PNLIPRP3: variants seen among roughly 807,000 people sequenced by gnomAD.
PNLIPRP3 encodes the protein pancreatic lipase-related protein 3.
Under a neutral mutation model 52.8 loss-of-function variants are expected in PNLIPRP3, and 58 were observed. The observed-to-expected ratio is 1.10, with a 90% confidence interval of 0.89 to 1.37. PNLIPRP3 has a LOEUF of 1.37. Ranked by LOEUF, PNLIPRP3 falls within the 40% of genes most tolerant of loss-of-function variation. PNLIPRP3 has a pLI of 0.00. For missense variants in PNLIPRP3, 593 were observed against 561.6 expected, an observed-to-expected ratio of 1.06 and a Z score of -0.57; for synonymous variants, 192 against 185.0, an observed-to-expected ratio of 1.04 and a Z score of -0.31.
chr10:116,455,907 G>C lies in PNLIPRP3; in HGVS notation c.565+77G>C, dbSNP rs1017628966. ...ACACTACCAAGTATCTGAACACCAA[G>C]TAATACTGCAGAAGAAAATATAAGA... On this transcript the variant is annotated intron_variant, in intron 5 of 11. Transcript: ENST00000369230. 6.9e-6 allele frequency: 7 copies of C among 1,007,372 alleles called. No homozygotes were observed. In the African/African-American group the frequency reaches 9.7e-5, roughly 14 times the overall value. The allele number at this position is 1,007,372 out of a possible 1,614,324, so 62.4% of individuals were successfully genotyped here.
At chr10:116,469,445 C>T in intron 9 of PNLIPRP3, 128 bp downstream of exon 9, 1 of 915,376 alleles carries the variant, frequency 1.1e-6, no homozygotes, top group East Asian at 2.9e-5. Context: ...TGAAGAACAA[C>T]ACAGTGAGGT....
chr10:116,431,985 A>G (rs1845714849), intron 1 of PNLIPRP3, among the ~76,000 whole-genome samples: 1 of 151,920 alleles, frequency 6.6e-6, no homozygotes, highest in Non-Finnish European at 1.5e-5. Flanking sequence ...TCCTCACCTA[A>G]ACACACAAAC....
intron 3 of PNLIPRP3, 54 bp downstream of exon 3, chr10:116,443,228 A>G: frequency 1.9e-6 from 3 of 1,541,542 alleles, no homozygotes; most frequent in South Asian, 1.2e-5. Flanking sequence ...TATGTTTAAC[A>G]TGAATGTACT....
intron 4 of PNLIPRP3, among the ~76,000 whole-genome samples, chr10:116,450,270 T>C (rs4485017): frequency 0.89 from 134,740 of 152,198 alleles, 60,639 homozygotes; most frequent in Non-Finnish European, 0.97. Context: ...CTTAAAACAT[T>C]ATGAGATTTA....
chr10:116,439,982 T>C, intron 2 of PNLIPRP3: 1 of 801,812 alleles, frequency 1.2e-6, no homozygotes, highest in South Asian at 1.3e-5. Flanking sequence ...TCTCTGCACG[T>C]CTGCACGAAG....
At chr10:116,457,554 A>T (rs1846133816) in intron 5 of PNLIPRP3, among the ~76,000 whole-genome samples, 1 of 151,730 alleles carries the variant, frequency 6.6e-6, no homozygotes, top group Non-Finnish European at 1.5e-5. Context: ...AATCCTCCTC[A>T]CTCACCTCCA....
chr10:116,455,706 T>A lies in PNLIPRP3; in HGVS notation c.457-16T>A. ...GCTGTTTTTAAAATACTTATTCTGT[T>A]AAACAATTCTTTCAGAAAAAATTTG... On this transcript the variant is annotated splice_polypyrimidine_tract_variant and intron_variant, in intron 4 of 11. Transcript: ENST00000369230. The A allele has an allele frequency of 6.3e-7, 1 of 1,581,242 alleles. No individual in the cohort carries two copies. The highest frequency in any genetic ancestry group is 1.7e-5 in the Admixed American group (1 of 59,794).
intron 2 of PNLIPRP3, among the ~76,000 whole-genome samples, chr10:116,438,448 C>A (rs1237037330): frequency 3.3e-5 from 5 of 152,172 alleles, no homozygotes; most frequent in South Asian, 4.1e-4. Flanking sequence ...GCACTCCTAC[C>A]GTACAAATAT....
intron 1 of PNLIPRP3, 21 bp downstream of exon 1, chr10:116,428,082 T>G: frequency 6.5e-7 from 1 of 1,544,662 alleles, no homozygotes; most frequent in Non-Finnish European, 8.9e-7. Context: ...TAATTTATAA[T>G]AAGTTCTTTA....
chr10:116,438,936 A>T (rs1260906978), intron 2 of PNLIPRP3, among the ~76,000 whole-genome samples: 1 of 152,240 alleles, frequency 6.6e-6, no homozygotes, highest in East Asian at 1.9e-4. Context: ...AATACATAAT[A>T]TAACATGGAT....
intron 4 of PNLIPRP3, among the ~76,000 whole-genome samples, chr10:116,448,881 T>C (rs1166337008): frequency 6.6e-6 from 1 of 152,014 alleles, no homozygotes; most frequent in Non-Finnish European, 1.5e-5. Context: ...CTGGCCATAC[T>C]GGTGGGTGCC....
intron 3 of PNLIPRP3, among the ~76,000 whole-genome samples, chr10:116,443,802 CATATAT>C (rs1200044232): frequency 0.094 from 1,223 of 12,972 alleles, 30 homozygotes; most frequent in African/African-American, 0.13. Flanking sequence ...TGTGTGTGTG[CATATAT>C]ATATATATAT....
intron 7 of PNLIPRP3, among the ~76,000 whole-genome samples, chr10:116,464,448 C>A (rs921600435): frequency 1.1e-4 from 16 of 152,198 alleles, no homozygotes; most frequent in African/African-American, 3.9e-4. Flanking sequence ...CTTATCTCAC[C>A]CACTTGGCCT....
chr10:116,445,060 C>G (rs1845924254), intron 4 of PNLIPRP3, among the ~76,000 whole-genome samples: 2 of 152,122 alleles, frequency 1.3e-5, no homozygotes, highest in African/African-American at 4.8e-5. Context: ...AATTTCCCAC[C>G]CTAAAATGCA....
At chr10:116,453,468 G>A (rs979082343) in intron 4 of PNLIPRP3, among the ~76,000 whole-genome samples, 1 of 152,046 alleles carries the variant, frequency 6.6e-6, no homozygotes, top group African/African-American at 2.4e-5. Flanking sequence ...GTGTAGGGGG[G>A]CCAGGAGTGG....
chr10:116,437,981 A>G (rs1196154978), intron 2 of PNLIPRP3, among the ~76,000 whole-genome samples: 1 of 152,182 alleles, frequency 6.6e-6, no homozygotes, highest in East Asian at 1.9e-4. Context: ...GAACTGCAGT[A>G]ATGAAAGTGG....
At chr10:116,472,554 T>C (rs889772105) in intron 10 of PNLIPRP3, among the ~76,000 whole-genome samples, 1 of 152,242 alleles carries the variant, frequency 6.6e-6, no homozygotes, top group Non-Finnish European at 1.5e-5. Flanking sequence ...GTGATTTCCA[T>C]CATCCTCAAA....
intron 1 of PNLIPRP3, 47 bp downstream of exon 1, chr10:116,428,108 C>G (rs1170672580): frequency 7.7e-7 from 1 of 1,302,556 alleles, no homozygotes. Flanking sequence ...AATGAGTATA[C>G]TTACATCTAA....
intron 5 of PNLIPRP3, among the ~76,000 whole-genome samples, chr10:116,458,289 G>A (rs534054465): frequency 1.6e-4 from 25 of 152,156 alleles, no homozygotes; most frequent in African/African-American, 5.5e-4. Flanking sequence ...GATCCTAAAC[G>A]ATTAGTTCTC....
Sources: allele counts gnomAD v4.1 joint callset (sites outside exome capture counted in the v4.1 genomes callset), GRCh38; gene constraint gnomAD v4.1.1; transcripts MANE v1.5; gene names NCBI Gene and HGNC (gene_info 2026-07-23, HGNC 2026-07-21).